Variants in CMSS1 observed in about 807,000 individuals in gnomAD.
The protein encoded by CMSS1 is cms1 ribosomal small subunit homolog.
In CMSS1, 33 loss-of-function variants were observed where a neutral mutation model predicts 43.5. That is an observed-to-expected ratio of 0.76 (90% CI 0.57 to 1.01). The LOEUF is 1.01. CMSS1 is among the 50% of genes least tolerant of loss of function. The probability of loss-of-function intolerance (pLI) is 0.00; values close to 1 mark genes in which losing one functional copy is unlikely to be tolerated. For missense variants in CMSS1, 313 were observed against 326.4 expected (o/e 0.96, Z 0.32); for synonymous variants, 115 against 117.2 (o/e 0.98, Z 0.12).
chr3:99,827,856 G>A lies in CMSS1; in HGVS notation c.64+9813G>A, dbSNP rs1463534599. ...CCAACCTCAGGTGATCCACCGCCTC[G>A]GACTCCCAAAGTGCTGGGATTACAG... On this transcript the variant is annotated intron_variant, in intron 1 of 9. Transcript: ENST00000421999. Among the ~76,000 whole-genome samples the A allele has an allele frequency of 3.9e-5, 6 of 152,172 alleles. No individual in the cohort carries two copies. In the East Asian group the frequency reaches 5.8e-4, roughly 15 times the overall value.
Position 100,167,680 on chromosome 3 carries a change from G to C in CMSS1, c.416-58G>C, listed in dbSNP as rs1400763066. 5 of 1,021,236 alleles carry C rather than the reference G, an allele frequency of 4.9e-6. No individual in the cohort carries two copies. In the African/African-American group the frequency reaches 6.4e-5, roughly 13 times the overall value. The allele number at this position is 1,021,236 out of a possible 1,614,324, so 63.3% of individuals were successfully genotyped here. ...TCAACAAAGAAGAAATGCTCAACTT[G>C]GGAGGTGTGCCCTGTTTTGCCATAT... On this transcript the variant is annotated intron_variant, in intron 5 of 9. Transcript: ENST00000421999.
chr3:99,920,207 T>G (rs1707082145), intron 1 of CMSS1, among the ~76,000 whole-genome samples: 1 of 152,170 alleles, frequency 6.6e-6, no homozygotes, highest in Non-Finnish European at 1.5e-5. Context: ...ATAGCATACA[T>G]AGTTTGTTTT....
chr3:100,117,090 TCA>T (rs2066576769), intron 1 of CMSS1, among the ~76,000 whole-genome samples: 1 of 152,166 alleles, frequency 6.6e-6, no homozygotes, highest in Non-Finnish European at 1.5e-5. Flanking sequence ...AATTATTTAT[TCA>T]CATAAATAAA....
intron 1 of CMSS1, among the ~76,000 whole-genome samples, chr3:99,903,539 C>T (rs940028289): frequency 1.3e-5 from 2 of 152,046 alleles, no homozygotes; most frequent in Non-Finnish European, 2.9e-5. Context: ...CGTGAGCCAC[C>T]GCGCCCGGCC....
At chr3:99,896,277 G>GA (rs1284538067) in intron 1 of CMSS1, among the ~76,000 whole-genome samples, 1 of 152,162 alleles carries the variant, frequency 6.6e-6, no homozygotes, top group African/African-American at 2.4e-5. Context: ...ACTATAGGAG[G>GA]AAAATGACAG....
At chr3:99,840,500 G>A (rs532871269) in intron 1 of CMSS1, among the ~76,000 whole-genome samples, 1 of 152,228 alleles carries the variant, frequency 6.6e-6, no homozygotes, top group Admixed American at 6.5e-5. Flanking sequence ...GGGATTACAG[G>A]CATGAGCTAC....
intron 1 of CMSS1, among the ~76,000 whole-genome samples, chr3:100,008,059 T>G (rs765419677): frequency 1.3e-5 from 2 of 152,200 alleles, no homozygotes; most frequent in East Asian, 1.9e-4. Context: ...CTCCTCCAAG[T>G]TGACATAACA....
intron 1 of CMSS1, among the ~76,000 whole-genome samples, chr3:100,102,015 G>A (rs540440254): frequency 5.9e-5 from 9 of 151,844 alleles, no homozygotes; most frequent in Non-Finnish European, 1.3e-4. Context: ...TAATCCAGTC[G>A]ATCATTGTTG....
At chr3:100,025,853 C>T (rs1559730299) in intron 1 of CMSS1, among the ~76,000 whole-genome samples, 4 of 152,140 alleles carry the variant, frequency 2.6e-5, no homozygotes, top group East Asian at 3.9e-4. Context: ...AATAATTTGC[C>T]GGTTACCAGG....
intron 1 of CMSS1, among the ~76,000 whole-genome samples, chr3:99,882,486 TAG>T (rs1430543632): frequency 6.6e-6 from 1 of 152,216 alleles, no homozygotes; most frequent in Admixed American, 6.5e-5. Context: ...AAGGTGTGCT[TAG>T]AGTTTTATTA....
chr3:100,007,546 G>T (rs767178135), intron 1 of CMSS1, among the ~76,000 whole-genome samples: 3 of 152,176 alleles, frequency 2.0e-5, no homozygotes, highest in Non-Finnish European at 2.9e-5. Flanking sequence ...ATGTAATGAA[G>T]AAGAGAGTCA....
chr3:100,178,647 T>G lies in CMSS1; in HGVS notation c.*259T>G. ...TGTTTTTCTGTCACCAACTGGCTTCTGATGTAACTGTGCAGGAGAAAGGAA... is the reference window on the plus strand; with the variant it reads ...TGTTTTTCTGTCACCAACTGGCTTCGGATGTAACTGTGCAGGAGAAAGGAA... On this transcript the variant is annotated 3_prime_UTR_variant, in exon 10 of 10. Coordinates refer to ENST00000421999, the MANE Select transcript of CMSS1 (RefSeq NM_032359.4). 1 of 352,598 alleles carries G rather than the reference T, an allele frequency of 2.8e-6. No homozygotes were observed. The highest frequency in any genetic ancestry group is 5.2e-6 in the Non-Finnish European group (1 of 190,972). The allele number at this position is 352,598 out of a possible 1,614,324, so 21.8% of individuals were successfully genotyped here. A position where few individuals can be genotyped will look rare whatever the true frequency, so the allele number is the denominator to read the frequency against.
intron 1 of CMSS1, among the ~76,000 whole-genome samples, chr3:100,103,639 G>C (rs1006900171): frequency 2.0e-5 from 3 of 152,186 alleles, no homozygotes; most frequent in African/African-American, 7.2e-5. Flanking sequence ...ATGGAGGAGA[G>C]AATATTGGTT....
intron 2 of CMSS1, among the ~76,000 whole-genome samples, chr3:100,160,213 T>A (rs1393947638): frequency 1.3e-5 from 2 of 152,168 alleles, no homozygotes; most frequent in Non-Finnish European, 2.9e-5. Context: ...GATTCTCCAG[T>A]CTTAAGTCAT....
chr3:100,040,953 C>T (rs1318363262), intron 1 of CMSS1: 1 of 152,134 alleles, frequency 6.6e-6, no homozygotes, highest in Non-Finnish European at 1.5e-5. Context: ...GTTTTTATAA[C>T]GAGTTCATGT....
At chr3:100,027,018 G>A (rs2064936204) in intron 1 of CMSS1, among the ~76,000 whole-genome samples, 1 of 152,060 alleles carries the variant, frequency 6.6e-6, no homozygotes, top group Admixed American at 6.6e-5. Flanking sequence ...CTTTGTCCTT[G>A]CTGTTCCCTA....
intron 1 of CMSS1, among the ~76,000 whole-genome samples, chr3:99,831,313 G>A (rs1290678716): frequency 1.3e-5 from 2 of 152,206 alleles, no homozygotes; most frequent in East Asian, 1.9e-4. Flanking sequence ...TTATTTACAT[G>A]TGAAGAGAAA....
chr3:100,135,746 G>C (rs2066748214), intron 1 of CMSS1, among the ~76,000 whole-genome samples: 1 of 152,014 alleles, frequency 6.6e-6, no homozygotes, highest in African/African-American at 2.4e-5. Flanking sequence ...TGCAGCTAGT[G>C]ACAGAAATTT....
intron 1 of CMSS1, chr3:100,141,665 C>A (rs1409865760): frequency 4.8e-6 from 2 of 417,240 alleles, no homozygotes; most frequent in Admixed American, 2.8e-5. Flanking sequence ...AGATGTGCAA[C>A]CTTATATTTT....
Sources: gnomAD v4.1 joint callset for allele counts (sites outside exome capture counted in the v4.1 genomes callset) on GRCh38, gnomAD v4.1.1 for gene constraint, MANE v1.5 for transcripts, NCBI Gene and HGNC (gene_info 2026-07-23, HGNC 2026-07-21) for gene names.